PDZD2: variants seen among roughly 807,000 people sequenced by gnomAD.
PDZD2 encodes PDZ domain-containing protein 2.
Under a neutral mutation model 220.7 loss-of-function variants are expected in PDZD2, and 90 were observed. That is an observed-to-expected ratio of 0.41 (90% CI 0.34 to 0.49). The LOEUF is 0.49. Among genes scored for constraint, PDZD2 ranks in the 20% least tolerant of loss-of-function variants. The probability of loss-of-function intolerance (pLI) is 0.28; values close to 1 mark genes in which losing one functional copy is unlikely to be tolerated. For synonymous variants in PDZD2, 1,375 were observed against 1,450.5 expected, an observed-to-expected ratio of 0.95 and a Z score of 1.18; for missense variants, 3,174 against 3,608.5, an observed-to-expected ratio of 0.88 and a Z score of 3.08.
chr5:31,799,553 G>T lies in PDZD2; in HGVS notation c.305G>T (p.Gly102Val). 1.2e-6 allele frequency: 2 copies of T among 1,614,158 alleles called. No homozygotes were observed. The highest frequency in any genetic ancestry group is 1.7e-6 in the Non-Finnish European group (2 of 1,179,998). The change falls in exon 2 of 25, where the codon GGG becomes GTG. Residue 102 changes from glycine to valine, a missense_variant. Coordinates refer to ENST00000438447, the MANE Select transcript of PDZD2 (RefSeq NM_178140.4). ...GGGGACTATGGTGAAAAGCGCAGGG[G>T]GGGCAAGAAGAGGAAAACCCACCAG... ...VFGDYGEKRR[G>V]GKKRKTHQGP...
intron 1 of PDZD2, among the ~76,000 whole-genome samples, chr5:31,676,156 TTTCA>T (rs1248716086): frequency 2.0e-5 from 3 of 152,254 alleles, no homozygotes. Context: ...CTTAAGCTTT[TTTCA>T]TTCATTCATT....
At chr5:31,841,746 G>A (rs930468998) in intron 2 of PDZD2, among the ~76,000 whole-genome samples, 1 of 151,854 alleles carries the variant, frequency 6.6e-6, no homozygotes, top group Non-Finnish European at 1.5e-5. Context: ...GCTGAGGCAG[G>A]CCGATCATGA....
At chr5:31,719,843 T>C (rs768629545) in intron 1 of PDZD2, among the ~76,000 whole-genome samples, 3 of 152,200 alleles carry the variant, frequency 2.0e-5, no homozygotes, top group Non-Finnish European at 2.9e-5. Flanking sequence ...TAAATGAAAC[T>C]CGATCTCTGC....
intron 1 of PDZD2, among the ~76,000 whole-genome samples, chr5:31,718,114 A>G (rs906903638): frequency 1.3e-5 from 2 of 152,194 alleles, no homozygotes; most frequent in African/African-American, 2.4e-5. Flanking sequence ...TGGTGCTGTA[A>G]AAGAGCAGAG....
intron 20 of PDZD2, 91 bp from the exon 21 acceptor site, chr5:32,092,816 A>G: frequency 5.0e-6 from 3 of 605,500 alleles, no homozygotes; most frequent in African/African-American, 1.9e-5. Flanking sequence ...TCTTTTGTAT[A>G]GTAGAAAGGA....
chr5:31,914,168 G>A (rs1268988093), intron 2 of PDZD2, among the ~76,000 whole-genome samples: 1 of 152,234 alleles, frequency 6.6e-6, no homozygotes, highest in Non-Finnish European at 1.5e-5. Flanking sequence ...ATTAAAACTT[G>A]GAGGTTTTTT....
At chr5:31,971,163 A>G (rs777424985) in intron 2 of PDZD2, among the ~76,000 whole-genome samples, 1 of 152,202 alleles carries the variant, frequency 6.6e-6, no homozygotes, top group Non-Finnish European at 1.5e-5. Flanking sequence ...TGGGTGATTC[A>G]TGAAAACAGA....
intron 1 of PDZD2, among the ~76,000 whole-genome samples, chr5:31,691,555 C>G (rs9687616): frequency 0.054 from 4,636 of 85,996 alleles, 71 homozygotes; most frequent in East Asian, 0.094. Context: ...ATTCTCTTAT[C>G]TGGCGCCACC....
intron 14 of PDZD2, among the ~76,000 whole-genome samples, chr5:32,064,699 C>T (rs1740043022): frequency 6.6e-6 from 1 of 152,078 alleles, no homozygotes; most frequent in African/African-American, 2.4e-5. Flanking sequence ...CGGGTGCGGT[C>T]GCTCACATCT....
At chr5:32,095,045 C>T (rs2111608674) in intron 21 of PDZD2, among the ~76,000 whole-genome samples, 1 of 152,344 alleles carries the variant, frequency 6.6e-6, no homozygotes, top group Non-Finnish European at 1.5e-5. Context: ...GGTGGGGTCA[C>T]ACGTTGCCAG....
chr5:31,847,022 T>C (rs1757619378), intron 2 of PDZD2, among the ~76,000 whole-genome samples: 2 of 152,250 alleles, frequency 1.3e-5, no homozygotes, highest in Non-Finnish European at 2.9e-5. Context: ...TGCTGTCTGT[T>C]TCACTCATGA....
intron 2 of PDZD2, among the ~76,000 whole-genome samples, chr5:31,920,085 A>G (rs1366121881): frequency 1.3e-5 from 2 of 151,852 alleles, no homozygotes; most frequent in Non-Finnish European, 2.9e-5. Context: ...GTAGTTCGAG[A>G]CCAGCCTGGG....
chr5:32,088,531 G>A lies in PDZD2; in HGVS notation c.5083G>A (p.Glu1695Lys). 1 of 1,614,146 alleles carries A rather than the reference G, an allele frequency of 6.2e-7. No homozygotes were observed. Among genetic ancestry groups the A allele is most frequent in the Non-Finnish European group, 8.5e-7 (1 of 1,180,014 alleles). Reference protein sequence around the residue: ...SQNHRPSCAEETTEVTSASSA... With the variant: ...SQNHRPSCAEKTTEVTSASSA... Reference sequence around the variant, plus strand: ...GAACCACAGGCCCTCGTGTGCAGAAGAAACCACAGAAGTCACCAGCGCTAG... The same window carrying A: ...GAACCACAGGCCCTCGTGTGCAGAAAAAACCACAGAAGTCACCAGCGCTAG... Residue 1695 changes from glutamate (E) to lysine (K), a missense_variant, in exon 20 of 25, where the codon GAA becomes AAA. This residue lies in a region of PDZD2 where 1,861 missense variants were observed against 2,001.0 expected (regional missense o/e 0.93). Transcript: ENST00000438447. This position sits in a 1 kb window ranked among gnomAD's most constrained non-coding sequence, Gnocchi z 4.6.
intron 2 of PDZD2, among the ~76,000 whole-genome samples, chr5:31,813,208 T>C (rs1419727199): frequency 6.6e-6 from 1 of 152,122 alleles, no homozygotes; most frequent in African/African-American, 2.4e-5. Context: ...GCCAGCACTT[T>C]GGGAGGCCAA....
intron 1 of PDZD2, among the ~76,000 whole-genome samples, chr5:31,704,199 G>A (rs573014567): frequency 1.3e-5 from 2 of 152,234 alleles, no homozygotes; most frequent in East Asian, 1.9e-4. Context: ...TTTTGGTAGA[G>A]ACAGGGTTTC....
intron 2 of PDZD2, among the ~76,000 whole-genome samples, chr5:31,930,022 C>T (rs993110655): frequency 4.6e-5 from 7 of 152,006 alleles, no homozygotes; most frequent in East Asian, 1.9e-4. Flanking sequence ...TAGCTCTCCT[C>T]GTGCCATGTG....
chr5:31,704,770 G>T (rs1747742532), intron 1 of PDZD2, among the ~76,000 whole-genome samples: 1 of 152,254 alleles, frequency 6.6e-6, no homozygotes, highest in East Asian at 1.9e-4. Flanking sequence ...GGTATTGTTT[G>T]GCAAAGAGGG....
At chr5:31,946,982 G>A (rs1360671987) in intron 2 of PDZD2, among the ~76,000 whole-genome samples, 2 of 152,178 alleles carry the variant, frequency 1.3e-5, no homozygotes, top group African/African-American at 4.8e-5. Context: ...GGGATTACAA[G>A]CATGGGCCAC....
intron 24 of PDZD2, among the ~76,000 whole-genome samples, chr5:32,104,714 TCTAAAA>T (rs1744574685): frequency 2.6e-5 from 1 of 38,360 alleles, no homozygotes; most frequent in African/African-American, 1.3e-4. Context: ...GAAGGCTCCA[TCTAAAA>T]AAAAAAAAAA....
Sources: gnomAD v4.1 joint callset for allele counts (sites outside exome capture counted in the v4.1 genomes callset) on GRCh38, gnomAD v4.1.1 for gene constraint, gnomAD v4.1.1 regional missense constraint, Gnocchi (gnomAD v3.1) non-coding constraint, MANE v1.5 for transcripts, NCBI Gene and HGNC (gene_info 2026-07-23, HGNC 2026-07-21) for gene names.